KASH5: variants seen among roughly 807,000 people sequenced by gnomAD.
KASH5 encodes the protein KASH domain containing 5, also known as protein KASH5.
Under a neutral mutation model 84.2 loss-of-function variants are expected in KASH5, and 72 were observed. The observed-to-expected ratio is 0.85, with a 90% CI of 0.71 to 1.04. The LOEUF (loss-of-function observed/expected upper bound fraction) is 1.04. KASH5 is among the 50% of genes least tolerant of loss of function. The pLI is 0.00. For synonymous variants in KASH5, 260 were observed against 279.1 expected (o/e 0.93, Z 0.68); for missense variants, 650 against 701.0 (o/e 0.93, Z 0.82).
intron 9 of KASH5, among the ~76,000 whole-genome samples, chr19:49,405,241 G>A (rs1356718631): frequency 5.3e-5 from 8 of 152,034 alleles, no homozygotes; most frequent in African/African-American, 1.9e-4. Flanking sequence ...TGGATTACCT[G>A]AGGTCAGAAG....
Position 49,399,208 on chromosome 19 carries a change from G to C in KASH5, c.747+66G>C. ...TTTGTTTCCTGGAGTCAGGGCGGCA[G>C]AGTGTGACTATGGAGTAGGAAGGGG... On this transcript the variant is annotated intron_variant, in intron 8 of 19. Transcript: ENST00000447857. This position sits in a 1 kb window ranked among gnomAD's most constrained non-coding sequence, Gnocchi z 4.4. 1 of 1,376,404 alleles carries C rather than the reference G, an allele frequency of 7.3e-7. No homozygotes were observed. The highest frequency in any genetic ancestry group is 1.3e-5 in the South Asian group (1 of 75,134). 85.3% of individuals were successfully genotyped at this position (1,376,404 alleles called of 1,614,324 possible).
intron 9 of KASH5, among the ~76,000 whole-genome samples, chr19:49,405,171 C>T (rs1974483242): frequency 6.6e-6 from 1 of 152,044 alleles, no homozygotes; most frequent in African/African-American, 2.4e-5. Context: ...GAAAAAGGAG[C>T]ACAGGCCCGG....
At position 49,399,119 on chromosome 19, in the gene KASH5, C is replaced by T. The variant is rs1478688042; in HGVS notation, c.724C>T (p.Leu242Phe). The change falls in exon 8 of 20, where the codon CTT (leucine) becomes TTT (phenylalanine). Residue 242 changes from leucine to phenylalanine, a missense_variant. Leu to Phe is a conservative substitution (Grantham distance 22). Coordinates refer to ENST00000447857, the MANE Select transcript of KASH5 (RefSeq NM_144688.5). This position sits in a 1 kb window ranked among gnomAD's most constrained non-coding sequence, Gnocchi z 4.4. ...GAGCCTGGAGGAACAGAATCGCAGC[C>T]TTCTGGCCCAAGCCCGGCAGGCGGT... ...ARSLEEQNRS[L>F]LAQARQAEKE... 2 of 1,550,864 alleles carry T rather than the reference C, an allele frequency of 1.3e-6. No homozygotes were observed. Among genetic ancestry groups the T allele is most frequent in the East Asian group, 2.4e-5 (1 of 40,922 alleles).
rs1308715437 is a variant in KASH5, at chr19:49,411,910, GGGAAGGAGGGAAGGAAGGAA to G, written c.1270-1050_1270-1031del. 3.1e-5 allele frequency among the ~76,000 whole-genome samples: 4 copies of G among 127,836 alleles called. No individual in the cohort carries two copies. The East Asian group carries it at 6.7e-4, about 21-fold the overall frequency. 83.9% of individuals were successfully genotyped at this position (127,836 alleles called of 152,430 possible). On this transcript the variant is annotated intron_variant, in intron 15 of 19. Transcript: ENST00000447857. The stretch of plus-strand genomic sequence containing the variant: ...AAGGAAGGATGGAAGGAGGGAGGGA[GGGAAGGAGGGAAGGAAGGAA>G]GGAAGGAAGGAAGGAAGGAAGGAAG...
At position 49,395,587 on chromosome 19, in the gene KASH5, T is replaced by A; in HGVS notation, c.336-182T>A. The A allele has an allele frequency of 3.0e-6, 2 of 657,642 alleles. No individual in the cohort carries two copies. The highest frequency in any genetic ancestry group is 3.7e-5 in the South Asian group (2 of 54,574). The allele number at this position is 657,642 out of a possible 1,614,324, so 40.7% of individuals were successfully genotyped here. On this transcript the variant is annotated intron_variant, in intron 4 of 19. Transcript: ENST00000447857. The surrounding 1 kb of genome is among the most constrained non-coding windows in gnomAD (Gnocchi z 4.4). ...CCCAACCCTTCACCAAACCCACTCC[T>A]TGCCCCTCCTGCTTTTCCATCTGGC...
At chr19:49,398,412 A>AC (rs1309105384) in intron 7 of KASH5, among the ~76,000 whole-genome samples, 3 of 147,296 alleles carry the variant, frequency 2.0e-5, no homozygotes, top group Non-Finnish European at 3.0e-5. Flanking sequence ...TCTGTCACCC[A>AC]GGCTGGAGTG....
intron 9 of KASH5, among the ~76,000 whole-genome samples, chr19:49,406,411 C>CT (rs1268495331): frequency 6.6e-6 from 1 of 152,106 alleles, no homozygotes. Context: ...CAGTCTCGCT[C>CT]TGTCGCCCAG....
At position 49,395,662 on chromosome 19, in the gene KASH5, C is replaced by T. The variant is rs1200955668; in HGVS notation, c.336-107C>T. ...ACCCTCCTACCCTGTGGTGCCAGCT[C>T]TCACCTGACCCGGTCCCCTCCTCCC... On this transcript the variant is annotated intron_variant, in intron 4 of 19. Transcript: ENST00000447857. This position sits in a 1 kb window ranked among gnomAD's most constrained non-coding sequence, Gnocchi z 4.4. The T allele has an allele frequency of 1.7e-6, 2 of 1,150,160 alleles. No individual in the cohort carries two copies. Among genetic ancestry groups the T allele is most frequent in the Non-Finnish European group, 2.5e-6 (2 of 794,840 alleles). 71.2% of individuals were successfully genotyped at this position (1,150,160 alleles called of 1,614,324 possible). A position where few individuals can be genotyped will look rare whatever the true frequency, so the allele number is the denominator to read the frequency against.
rs1227680142 is a variant in KASH5 at position 49,409,017 on chromosome 19, T to C, written c.1044T>C (p.Tyr348=). 6.3e-7 allele frequency: 1 copy of C among 1,593,096 alleles called. No individual in the cohort carries two copies. Among genetic ancestry groups the C allele is most frequent in the Non-Finnish European group, 8.5e-7 (1 of 1,170,018 alleles). Reference sequence around the variant, plus strand: ...TGGAGGAGCAGCTGAGTCAGACCTATGAGGGGCCCGATGAGTGAGTGGAAT... The same window carrying C: ...TGGAGGAGCAGCTGAGTCAGACCTACGAGGGGCCCGATGAGTGAGTGGAAT... ...SRLEEQLSQT[Y]EGPDELPEGA... Residue 348 remains tyrosine (Y), a synonymous_variant, in exon 13 of 20, where the codon TAT becomes TAC. Transcript: ENST00000447857.
intron 2 of KASH5, chr19:49,393,702 T>TGTGTGTGTGTGTGTGTGTGTGTGTGC (rs1383837612): frequency 6.5e-5 from 10 of 153,888 alleles, no homozygotes; most frequent in African/African-American, 2.4e-4. Context: ...TGTGTGTGTG[T>TGTGTGTGTGTGTGTGTGTGTGTGTGC]GTGTGTGTGT....
At position 49,394,510 on chromosome 19, in the gene KASH5, G is replaced by A; in HGVS notation, c.78G>A (p.Leu26=). The change falls in exon 3 of 20, where the codon CTG becomes CTA. Residue 26 remains leucine, a synonymous_variant. Coordinates refer to ENST00000447857, the MANE Select transcript of KASH5 (RefSeq NM_144688.5). ...GGGAGCGGCCTGAGGAGGCAAGGCT[G>A]GGAATGCCGGTCAGCTTGGAGGAGC... ...YLRERPEEAR[L]GMPVSLEEQI... 2 of 1,613,870 alleles carry A rather than the reference G, an allele frequency of 1.2e-6. No individual in the cohort carries two copies. Among genetic ancestry groups the A allele is most frequent in the Non-Finnish European group, 1.7e-6 (2 of 1,179,868 alleles).
At chr19:49,413,830 T>G (rs1332226492) in intron 16 of KASH5, among the ~76,000 whole-genome samples, 1 of 151,978 alleles carries the variant, frequency 6.6e-6, no homozygotes, top group East Asian at 1.9e-4. Context: ...TGAGAGGGGT[T>G]GGGTCCCAAG....
At chr19:49,396,662 C>G (rs986701602) in intron 5 of KASH5, among the ~76,000 whole-genome samples, 8 of 152,176 alleles carry the variant, frequency 5.3e-5, no homozygotes, top group Non-Finnish European at 1.2e-4. Flanking sequence ...GAACATCCAC[C>G]TGCAGAGGAA....
intron 12 of KASH5, chr19:49,408,444 CT>C (rs59956548): frequency 0.023 from 3,419 of 148,124 alleles, 116 homozygotes; most frequent in African/African-American, 0.08. Context: ...CTTGGCTGTG[CT>C]TTTTTTTTTT....
chr19:49,392,131 G>A (rs928639939), intron 2 of KASH5, among the ~76,000 whole-genome samples: 1 of 152,126 alleles, frequency 6.6e-6, no homozygotes, highest in African/African-American at 2.4e-5. Context: ...GCTCTGGAAG[G>A]AAAGGTAGGA....
chr19:49,391,035 G>A, intron 2 of KASH5, 109 bp downstream of exon 2: 1 of 1,282,682 alleles, frequency 7.8e-7, no homozygotes, highest in East Asian at 2.5e-5. Context: ...GGGGGTGGCT[G>A]AGCCTTTGCA....
At chr19:49,397,834 G>T in intron 6 of KASH5, 117 bp downstream of exon 6, 1 of 1,462,230 alleles carries the variant, frequency 6.8e-7, no homozygotes, top group Non-Finnish European at 9.4e-7. Flanking sequence ...ACGGGGCTTT[G>T]CTGAAAGTTC....
chr19:49,391,666 C>G (rs761637539), intron 2 of KASH5: 1 of 152,146 alleles, frequency 6.6e-6, no homozygotes, highest in African/African-American at 2.4e-5. Flanking sequence ...GCATTTCAGT[C>G]TACACTCGCC....
At chr19:49,391,066 G>A in intron 2 of KASH5, 140 bp downstream of exon 2, 1 of 887,806 alleles carries the variant, frequency 1.1e-6, no homozygotes, top group East Asian at 2.9e-5. Context: ...GTGGAAGGGA[G>A]GGAAGGGACT....
Sources: allele counts gnomAD v4.1 joint callset (sites outside exome capture counted in the v4.1 genomes callset), GRCh38; gene constraint gnomAD v4.1.1; non-coding constraint Gnocchi (gnomAD v3.1); transcripts MANE v1.5; gene names NCBI Gene and HGNC (gene_info 2026-07-23, HGNC 2026-07-21).